The following FGF12 variants were observed in gnomAD, a reference collection of about 807,000 sequenced individuals.
FGF12 encodes fibroblast growth factor 12.
In FGF12, 14 loss-of-function variants were observed where a neutral mutation model predicts 23.6. The observed-to-expected ratio is 0.59, with a 90% confidence interval of 0.39 to 0.93. The LOEUF is 0.93. Ranked by LOEUF, FGF12 falls within the 40% of genes least tolerant of loss-of-function variation. The pLI, the probability that FGF12 is intolerant of heterozygous loss-of-function variation, is 0.00. For synonymous variants in FGF12, 62 were observed against 77.3 expected (o/e 0.80, Z 1.04); for missense variants, 175 against 217.8 (o/e 0.80, Z 1.24).
chr3:192,349,804 C>G (rs1404374157), intron 3 of FGF12, among the ~76,000 whole-genome samples: 2 of 152,024 alleles, frequency 1.3e-5, no homozygotes, highest in Admixed American at 6.6e-5. Context: ...GTCCCATTAG[C>G]ATTAATTTTT....
chr3:192,520,666 G>A (rs950200101), intron 2 of FGF12, among the ~76,000 whole-genome samples: 9 of 151,946 alleles, frequency 5.9e-5, no homozygotes, highest in Admixed American at 1.3e-4. Context: ...ATTTGGGTGC[G>A]TGAAACGTTA....
At chr3:192,626,118 A>G (rs1715158556) in intron 2 of FGF12, among the ~76,000 whole-genome samples, 1 of 152,226 alleles carries the variant, frequency 6.6e-6, no homozygotes, top group Non-Finnish European at 1.5e-5. Flanking sequence ...AACACAAATT[A>G]AATGCTCACC....
intron 2 of FGF12, among the ~76,000 whole-genome samples, chr3:192,705,540 C>T (rs911152203): frequency 1.3e-5 from 2 of 152,222 alleles, no homozygotes; most frequent in Non-Finnish European, 2.9e-5. Context: ...ACACATACAA[C>T]ATTTATGGAT....
intron 2 of FGF12, among the ~76,000 whole-genome samples, chr3:192,551,393 C>A (rs9810743): frequency 4.3e-4 from 65 of 152,224 alleles, no homozygotes; most frequent in South Asian, 8.3e-4. Flanking sequence ...AGGTTGCCCT[C>A]AGGCCCTTGG....
intron 2 of FGF12, among the ~76,000 whole-genome samples, chr3:192,607,004 TC>T (rs926416685): frequency 5.9e-5 from 9 of 151,914 alleles, no homozygotes; most frequent in African/African-American, 2.2e-4. Context: ...GACAACCCCC[TC>T]CCCCAACACA....
intron 4 of FGF12, among the ~76,000 whole-genome samples, chr3:192,278,808 G>A (rs533914565): frequency 3.1e-4 from 47 of 152,260 alleles, no homozygotes; most frequent in Non-Finnish European, 6.2e-4. Flanking sequence ...GTAGGTAAGC[G>A]CTACCCCCAG....
chr3:192,181,180 A>T (rs561076742), intron 4 of FGF12, among the ~76,000 whole-genome samples: 8 of 152,194 alleles, frequency 5.3e-5, no homozygotes, highest in Non-Finnish European at 8.8e-5. Context: ...TAGGGCTAGG[A>T]TATGATAAAC....
intron 4 of FGF12, among the ~76,000 whole-genome samples, chr3:192,323,756 T>C (rs1476860939): frequency 6.6e-6 from 1 of 152,144 alleles, no homozygotes; most frequent in Non-Finnish European, 1.5e-5. Flanking sequence ...GATACTTCAT[T>C]TACTCTGATG....
Position 192,354,273 on chromosome 3 carries a change from G to C in FGF12, c.124+6155C>G, listed in dbSNP as rs139794432. Among the ~76,000 whole-genome samples the C allele has an allele frequency of 6.4e-3, 975 of 152,178 alleles. 9 individuals are homozygous for C. Among genetic ancestry groups the C allele is most frequent in the African/African-American group, 0.022 (930 of 41,528 alleles). On this transcript the variant is annotated intron_variant, in intron 3 of 5. Transcript: ENST00000445105. ...AAAGTATTAGAAGTCTAGACTGAGAGAATCTTAAGAAATAAATTCCAGATT... is the reference window on the plus strand; with the variant it reads ...AAAGTATTAGAAGTCTAGACTGAGACAATCTTAAGAAATAAATTCCAGATT...
At chr3:192,720,562 A>G (rs1719006199) in intron 2 of FGF12, among the ~76,000 whole-genome samples, 1 of 152,234 alleles carries the variant, frequency 6.6e-6, no homozygotes, top group Non-Finnish European at 1.5e-5. Flanking sequence ...GAGATGAGGA[A>G]GATGATGCTG....
In FGF12 at chr3:192,142,179, G is replaced by C. The variant is rs1713432207; in HGVS notation, c.*1830C>G. ...TGCATACAATTTGTTCTTCCCAACT[G>C]CTTAGGGAAATTCCTTCATTTCATT... On this transcript the variant is annotated 3_prime_UTR_variant, in exon 6 of 6. Transcript: ENST00000445105. The C allele has an allele frequency of 1.3e-5, 2 of 152,434 alleles. No individual in the cohort carries two copies. Among genetic ancestry groups the C allele is most frequent in the African/African-American group, 4.8e-5 (2 of 41,410 alleles). The allele number at this position is 152,434 out of a possible 1,614,324, so 9.4% of individuals were successfully genotyped here.
chr3:192,541,263 C>T lies in FGF12; in HGVS notation c.14-180725G>A, dbSNP rs1201304127. On this transcript the variant is annotated intron_variant, in intron 2 of 5. Coordinates refer to ENST00000445105, the MANE Select transcript of FGF12 (RefSeq NM_004113.6). ...GATTTTCTCTGACGATATGTTTTAA[C>T]GTTTCAAGTTCTTGATTTTTATTGT... Among the ~76,000 whole-genome samples, 4 of 151,990 alleles carry T rather than the reference C, an allele frequency of 2.6e-5. No individual in the cohort carries two copies. In the East Asian group the frequency reaches 5.8e-4, roughly 22 times the overall value.
chr3:192,261,224 A>G (rs1712728307), intron 4 of FGF12, among the ~76,000 whole-genome samples: 2 of 152,194 alleles, frequency 1.3e-5, no homozygotes, highest in South Asian at 4.1e-4. Flanking sequence ...TGGCTTTTAT[A>G]TTGGCCTGGT....
intron 4 of FGF12, among the ~76,000 whole-genome samples, chr3:192,199,069 T>C (rs1482712314): frequency 6.6e-6 from 1 of 152,210 alleles, no homozygotes; most frequent in Non-Finnish European, 1.5e-5. Flanking sequence ...AAGGAAGATA[T>C]GTGCAAGATG....
intron 2 of FGF12, among the ~76,000 whole-genome samples, chr3:192,513,547 A>G (rs1724558963): frequency 6.6e-6 from 1 of 152,216 alleles, no homozygotes; most frequent in African/African-American, 2.4e-5. Context: ...TACATATATT[A>G]TAATCTTTCC....
At chr3:192,581,474 A>G (rs79199852) in intron 2 of FGF12, among the ~76,000 whole-genome samples, 39,073 of 121,496 alleles carry the variant, frequency 0.32, 5,616 homozygotes, top group East Asian at 0.61. Context: ...ATGTATATAT[A>G]TGTGTGTGTG....
rs569104035 is a variant in FGF12 at position 192,328,671 on chromosome 3, G to C, written c.228+6690C>G. ...AAGTTATCAATCTAAAGATGATTCT[G>C]TGAGGCCATAAACTTGCAGTTGGTG... On this transcript the variant is annotated intron_variant, in intron 4 of 5. Transcript: ENST00000445105. Among the ~76,000 whole-genome samples the C allele has an allele frequency of 2.6e-5, 4 of 152,320 alleles. No individual in the cohort carries two copies. In the South Asian group the frequency reaches 8.3e-4, roughly 32 times the overall value.
At chr3:192,433,112 G>C (rs1721914722) in intron 2 of FGF12, among the ~76,000 whole-genome samples, 1 of 152,082 alleles carries the variant, frequency 6.6e-6, no homozygotes, top group African/African-American at 2.4e-5. Context: ...CCTAGAAAGG[G>C]CATTGATTCA....
intron 2 of FGF12, among the ~76,000 whole-genome samples, chr3:192,626,393 GTTAAAA>G (rs1181694358): frequency 6.6e-6 from 1 of 151,982 alleles, no homozygotes; most frequent in Non-Finnish European, 1.5e-5. Flanking sequence ...TTTGGGCATA[GTTAAAA>G]TTAAAAATTA....
Sources: allele counts gnomAD v4.1 joint callset (sites outside exome capture counted in the v4.1 genomes callset), GRCh38; gene constraint gnomAD v4.1.1; transcripts MANE v1.5; gene names NCBI Gene and HGNC (gene_info 2026-07-23, HGNC 2026-07-21).